The following INPP5A variants were observed in gnomAD, a reference collection of about 807,000 sequenced individuals.
INPP5A encodes the protein inositol polyphosphate-5-phosphatase A, also known as 43 kDa inositol polyphosphate 5-phophatase.
In INPP5A, 14 loss-of-function variants were observed where a neutral mutation model predicts 65.2. The observed-to-expected ratio is 0.21, with a 90% CI of 0.14 to 0.34. INPP5A has a LOEUF of 0.34. Ranked by LOEUF, INPP5A falls within the 10% of genes least tolerant of loss-of-function variation. INPP5A has a pLI of 1.00. For synonymous variants in INPP5A, 207 were observed against 208.3 expected, an observed-to-expected ratio of 0.99 and a Z score of 0.05; for missense variants, 431 against 545.6, an observed-to-expected ratio of 0.79 and a Z score of 2.09.
At chr10:132,739,341 C>A (rs370343738) in intron 9 of INPP5A, among the ~76,000 whole-genome samples, 18 of 152,238 alleles carry the variant, frequency 1.2e-4, no homozygotes, top group South Asian at 1.0e-3. Context: ...CCAAGTCTGG[C>A]CGGGGTCCCT....
intron 9 of INPP5A, among the ~76,000 whole-genome samples, chr10:132,731,581 G>A (rs12251893): frequency 0.024 from 3,664 of 152,308 alleles, 134 homozygotes; most frequent in African/African-American, 0.082. Context: ...CGCTGGTGCC[G>A]TTTGTTGGTG....
chr10:132,539,378 A>G (rs2070880992), intron 1 of INPP5A, among the ~76,000 whole-genome samples: 1 of 152,216 alleles, frequency 6.6e-6, no homozygotes, highest in African/African-American at 2.4e-5. Context: ...TTATTGAAGA[A>G]AAAGATGCTG....
intron 4 of INPP5A, among the ~76,000 whole-genome samples, chr10:132,686,087 G>A (rs1380240491): frequency 6.6e-6 from 1 of 152,220 alleles, no homozygotes; most frequent in African/African-American, 2.4e-5. Flanking sequence ...TAGCTCCCAG[G>A]CTGCCTTCAG....
intron 11 of INPP5A, among the ~76,000 whole-genome samples, chr10:132,754,852 AGTGT>A (rs886371872): frequency 6.6e-6 from 1 of 152,000 alleles, no homozygotes; most frequent in Non-Finnish European, 1.5e-5. Context: ...TTCCTATTGG[AGTGT>A]GTGTCAGCGT....
intron 1 of INPP5A, among the ~76,000 whole-genome samples, chr10:132,560,966 C>A (rs555636968): frequency 5.3e-5 from 8 of 151,526 alleles, no homozygotes; most frequent in African/African-American, 1.9e-4. Context: ...GGATGCTAGA[C>A]CCTTATTAGA....
chr10:132,602,607 A>G (rs1564930871), intron 1 of INPP5A, among the ~76,000 whole-genome samples: 1 of 152,012 alleles, frequency 6.6e-6, no homozygotes, highest in Admixed American at 6.6e-5. Flanking sequence ...ATTTCTATCA[A>G]TTTTTTGGTG....
chr10:132,542,433 C>T (rs1008875781), intron 1 of INPP5A, among the ~76,000 whole-genome samples: 7 of 151,392 alleles, frequency 4.6e-5, no homozygotes, highest in Admixed American at 1.3e-4. Flanking sequence ...TGGCGTCTCT[C>T]TCTGGTAGCA....
chr10:132,684,162 G>A (rs2073086880), intron 4 of INPP5A, among the ~76,000 whole-genome samples: 1 of 152,198 alleles, frequency 6.6e-6, no homozygotes, highest in Non-Finnish European at 1.5e-5. Flanking sequence ...GTTTCTGGAT[G>A]TAACTCTGAT....
chr10:132,726,945 G>C, intron 9 of INPP5A, 40 bp downstream of exon 9: 1 of 1,446,730 alleles, frequency 6.9e-7, no homozygotes. Context: ...CTCATGCCTT[G>C]CTCTGTGTTG....
In INPP5A at chr10:132,678,495, G is replaced by A. The variant is rs1434480419; in HGVS notation, c.307-11897G>A. Among the ~76,000 whole-genome samples, 1 of 152,184 alleles carries A rather than the reference G, an allele frequency of 6.6e-6. No homozygotes were observed. Among genetic ancestry groups the A allele is most frequent in the Non-Finnish European group, 1.5e-5 (1 of 68,032 alleles). ...TGCAAGTGTGTTCAGCTTCTCGGGA[G>A]CACCGTGAACCTGTGCCTTGGGTTG... On this transcript the variant is annotated intron_variant, in intron 4 of 15. Transcript: ENST00000368594. The surrounding 1 kb of genome is among the most constrained non-coding windows in gnomAD (Gnocchi z 4.1).
intron 4 of INPP5A, among the ~76,000 whole-genome samples, chr10:132,658,496 G>A (rs1409685546): frequency 6.6e-6 from 1 of 152,174 alleles, no homozygotes; most frequent in Non-Finnish European, 1.5e-5. Context: ...TATCAAACGG[G>A]TGGGAAAACA....
At chr10:132,745,884 G>A (rs1846363098) in intron 9 of INPP5A, among the ~76,000 whole-genome samples, 1 of 152,164 alleles carries the variant, frequency 6.6e-6, no homozygotes, top group Admixed American at 6.5e-5. Flanking sequence ...GGGCCCGGGT[G>A]TGGTGGCCCC....
At chr10:132,601,152 CTT>C (rs769854248) in intron 1 of INPP5A, among the ~76,000 whole-genome samples, 1 of 152,214 alleles carries the variant, frequency 6.6e-6, no homozygotes, top group Non-Finnish European at 1.5e-5. Context: ...ATTATTTTCT[CTT>C]TTCAATTTTA....
intron 5 of INPP5A, among the ~76,000 whole-genome samples, chr10:132,690,866 C>A (rs1845247274): frequency 6.6e-6 from 1 of 152,194 alleles, no homozygotes; most frequent in Non-Finnish European, 1.5e-5. Flanking sequence ...AAAAGACTTG[C>A]CCTGAGACGC....
At chr10:132,588,358 C>T (rs932519338) in intron 1 of INPP5A, among the ~76,000 whole-genome samples, 9 of 152,356 alleles carry the variant, frequency 5.9e-5, no homozygotes, top group East Asian at 1.9e-4. Context: ...ACGCAGCTTG[C>T]AGACTGGGTC....
At chr10:132,745,002 C>T (rs916714381) in intron 9 of INPP5A, among the ~76,000 whole-genome samples, 16 of 152,198 alleles carry the variant, frequency 1.1e-4, no homozygotes, top group Non-Finnish European at 1.9e-4. Context: ...CCGCCTCTCC[C>T]GTGGCACAGG....
At chr10:132,643,032 A>G (rs1481505366) in intron 2 of INPP5A, among the ~76,000 whole-genome samples, 1 of 152,096 alleles carries the variant, frequency 6.6e-6, no homozygotes, top group East Asian at 1.9e-4. Context: ...GAGAGGAGTC[A>G]TTTTCCTCAG....
At chr10:132,778,955 G>A (rs751805853) in intron 13 of INPP5A, among the ~76,000 whole-genome samples, 8 of 152,240 alleles carry the variant, frequency 5.3e-5, no homozygotes, top group Non-Finnish European at 1.2e-4. Context: ...TCTGTCTGCC[G>A]GGCCGGGTTC....
Position 132,753,238 on chromosome 10 carries a change from G to A in INPP5A, c.903+3393G>A, listed in dbSNP as rs1395001024. On this transcript the variant is annotated intron_variant, in intron 11 of 15. Transcript: ENST00000368594. This position sits in a 1 kb window ranked among gnomAD's most constrained non-coding sequence, Gnocchi z 5.3. Reference sequence around the variant, plus strand: ...ATTGGCAGTTGTCCCCATCGACGGAGGGTCAAGGTGGTCGGACGGGGAGCC... The same window carrying A: ...ATTGGCAGTTGTCCCCATCGACGGAAGGTCAAGGTGGTCGGACGGGGAGCC... Among the ~76,000 whole-genome samples the A allele has an allele frequency of 1.3e-5, 2 of 152,174 alleles. No individual in the cohort carries two copies. Among genetic ancestry groups the A allele is most frequent in the Non-Finnish European group, 1.5e-5 (1 of 68,024 alleles).
Sources: gnomAD v4.1 joint callset for allele counts (sites outside exome capture counted in the v4.1 genomes callset) on GRCh38, gnomAD v4.1.1 for gene constraint, Gnocchi (gnomAD v3.1) non-coding constraint, MANE v1.5 for transcripts, NCBI Gene and HGNC (gene_info 2026-07-23, HGNC 2026-07-21) for gene names.